NCKAP5: variants seen among roughly 807,000 people sequenced by gnomAD.
NCKAP5 encodes the protein NCK associated protein 5.
NCKAP5 carries 92 observed loss-of-function variants against 167.0 expected under a neutral mutation model. That is an observed-to-expected ratio of 0.55 (90% CI 0.47 to 0.66). NCKAP5 has a LOEUF of 0.66. NCKAP5 is among the 30% of genes least tolerant of loss of function. The pLI, the probability that NCKAP5 is intolerant of heterozygous loss-of-function variation, is 0.00. For missense variants in NCKAP5, 2,378 were observed against 2,315.0 expected (o/e 1.03, Z -0.56); for synonymous variants, 891 against 877.4 (o/e 1.02, Z -0.27).
chr2:133,011,000 TAAAATAA>T (rs1559047778), intron 6 of NCKAP5, among the ~76,000 whole-genome samples: 1 of 152,134 alleles, frequency 6.6e-6, no homozygotes, highest in African/African-American at 2.4e-5. Flanking sequence ...GATAATAGTA[TAAAATAA>T]AAAATAAGGA....
intron 16 of NCKAP5, among the ~76,000 whole-genome samples, chr2:132,762,070 C>T (rs979145719): frequency 6.6e-6 from 1 of 152,112 alleles, no homozygotes; most frequent in Non-Finnish European, 1.5e-5. Context: ...ATGATGATTC[C>T]ACTCCATCCT....
At chr2:133,290,417 A>C (rs1679493788) in intron 4 of NCKAP5, among the ~76,000 whole-genome samples, 1 of 152,218 alleles carries the variant, frequency 6.6e-6, no homozygotes. Context: ...ACAGAATAAA[A>C]TTATGAGATA....
chr2:133,255,040 T>C (rs1005932578), intron 4 of NCKAP5, among the ~76,000 whole-genome samples: 3 of 152,120 alleles, frequency 2.0e-5, no homozygotes, highest in African/African-American at 7.2e-5. Context: ...AAAAAAAGTT[T>C]TCTTTTATAA....
chr2:132,796,680 T>A lies in NCKAP5; in HGVS notation c.857A>T (p.Glu286Val), dbSNP rs770437737. 4 of 1,613,394 alleles carry A rather than the reference T, an allele frequency of 2.5e-6. No individual in the cohort carries two copies. Among genetic ancestry groups the A allele is most frequent in the Non-Finnish European group, 2.5e-6 (3 of 1,179,636 alleles). ...TGTCAGACTTCGGTTTCTTTCCACC[T>A]CTGAAAGCAAATCTCCAGATGAAAG... The part of the protein sequence containing the change: ...LDLSSGDLLS[E>V]VERNRSLTQS... The change falls in exon 12 of 20, where the codon GAG becomes GTG. Residue 286 changes from glutamate to valine, a missense_variant. Physicochemically the swap from Glu to Val is moderately radical, Grantham distance 121 (BLOSUM62 -2). Around this residue, in one of 3 missense-constraint regions of NCKAP5, gnomAD observed 1,049 missense variants for 1,023.4 expected, o/e 1.02. Transcript: ENST00000409261.
At chr2:133,474,967 A>G (rs2151295806) in intron 3 of NCKAP5, among the ~76,000 whole-genome samples, 1 of 152,160 alleles carries the variant, frequency 6.6e-6, no homozygotes, top group East Asian at 1.9e-4. Flanking sequence ...CGTGCCACCA[A>G]GCCCAGCTAA....
chr2:132,742,579 T>C (rs901301556), intron 16 of NCKAP5, among the ~76,000 whole-genome samples: 5 of 151,924 alleles, frequency 3.3e-5, no homozygotes, highest in African/African-American at 1.2e-4. Context: ...CCTATATTAC[T>C]GTAATTACAG....
the NCKAP5 span, among the ~76,000 whole-genome samples, chr2:133,613,118 C>T: frequency 6.6e-6 from 1 of 152,172 alleles, no homozygotes; most frequent in African/African-American, 2.4e-5. Context: ...TTCCTCCTTA[C>T]CTCTCCAAGA....
Position 133,165,454 on chromosome 2 carries a change from G to A in NCKAP5, c.208-35343C>T, listed in dbSNP as rs761218447. Among the ~76,000 whole-genome samples, 2 of 152,014 alleles carry A rather than the reference G, an allele frequency of 1.3e-5. 1 individual carries two copies. Among genetic ancestry groups the A allele is most frequent in the South Asian group, 4.1e-4 (2 of 4,820 alleles). On this transcript the variant is annotated intron_variant, in intron 5 of 19. Transcript: ENST00000409261. ...AGAAGCAATCCAAATTTCTATTAGG[G>A]GAATGGCTAAATTGTGGTACATCCA...
chr2:133,273,524 G>A (rs1574568117), intron 4 of NCKAP5, among the ~76,000 whole-genome samples: 1 of 152,110 alleles, frequency 6.6e-6, no homozygotes, highest in East Asian at 1.9e-4. Context: ...GAGAAAAAAG[G>A]AAGAATAGGA....
At chr2:133,027,862 C>T (rs2149411908) in intron 6 of NCKAP5, among the ~76,000 whole-genome samples, 1 of 152,276 alleles carries the variant, frequency 6.6e-6, no homozygotes, top group African/African-American at 2.4e-5. Flanking sequence ...CATAGTATCA[C>T]TTTGAGTTTC....
At chr2:133,433,349 T>C (rs1690278318) in intron 3 of NCKAP5, 1 of 152,184 alleles carries the variant, frequency 6.6e-6, no homozygotes, top group African/African-American at 2.4e-5. Flanking sequence ...CTCTGCCAAT[T>C]TGATACCTTT....
intron 3 of NCKAP5, among the ~76,000 whole-genome samples, chr2:133,437,645 G>A (rs2151149584): frequency 6.6e-6 from 1 of 152,338 alleles, no homozygotes; most frequent in South Asian, 2.1e-4. Flanking sequence ...GCCCCAGCCA[G>A]CGTCAGTTCT....
At chr2:133,028,888 G>T (rs568693688) in intron 6 of NCKAP5, among the ~76,000 whole-genome samples, 1 of 152,190 alleles carries the variant, frequency 6.6e-6, no homozygotes, top group African/African-American at 2.4e-5. Flanking sequence ...GTTCTCATGA[G>T]ATCTGGTCCT....
intron 6 of NCKAP5, among the ~76,000 whole-genome samples, chr2:133,007,922 T>C (rs1409928656): frequency 6.6e-6 from 1 of 152,208 alleles, no homozygotes; most frequent in African/African-American, 2.4e-5. Flanking sequence ...TGGCCAGGAC[T>C]AGTCACATGG....
At chr2:132,883,941 C>T (rs1439610295) in intron 8 of NCKAP5, among the ~76,000 whole-genome samples, 3 of 152,040 alleles carry the variant, frequency 2.0e-5, no homozygotes, top group Admixed American at 2.0e-4. Context: ...ATGATTGAAC[C>T]AGAATAGGGC....
intron 8 of NCKAP5, among the ~76,000 whole-genome samples, chr2:132,935,280 A>G (rs1696754373): frequency 6.6e-6 from 1 of 152,238 alleles, no homozygotes; most frequent in Non-Finnish European, 1.5e-5. Flanking sequence ...GAGAAAAGCC[A>G]AGAAAACTAC....
rs77805541 is a variant in NCKAP5 at position 132,687,344 on chromosome 2, G to A, written c.5714-14039C>T. ...AATGTAACAGGTAGCAATTGTTCAC[G>A]CACCAGATCTGGCACCAGCTACCAG... On this transcript the variant is annotated intron_variant, in intron 19 of 19. Coordinates refer to ENST00000409261, the MANE Select transcript of NCKAP5 (RefSeq NM_207363.3). 5.9e-5 allele frequency among the ~76,000 whole-genome samples: 9 copies of A among 152,228 alleles called. No homozygotes were observed. In the East Asian group the frequency reaches 1.4e-3, roughly 23 times the overall value.
chr2:133,159,530 C>T (rs995943934), intron 5 of NCKAP5, among the ~76,000 whole-genome samples: 9 of 152,148 alleles, frequency 5.9e-5, no homozygotes, highest in African/African-American at 2.2e-4. Flanking sequence ...TACAAAGACC[C>T]TATGAACGAT....
chr2:132,789,710 G>A (rs1232584173), intron 13 of NCKAP5, among the ~76,000 whole-genome samples: 1 of 152,158 alleles, frequency 6.6e-6, no homozygotes, highest in Non-Finnish European at 1.5e-5. Context: ...CTGTGCAGAT[G>A]GGAGTCATTC....
Sources: gnomAD v4.1 joint callset for allele counts (sites outside exome capture counted in the v4.1 genomes callset) on GRCh38, gnomAD v4.1.1 for gene constraint, gnomAD v4.1.1 regional missense constraint, MANE v1.5 for transcripts, NCBI Gene and HGNC (gene_info 2026-07-23, HGNC 2026-07-21) for gene names.